FLNB: variants seen among roughly 807,000 people sequenced by gnomAD.
The protein encoded by FLNB is filamin-B.
A neutral mutation model predicts 250.6 loss-of-function variants in FLNB; 111 were observed. The observed-to-expected ratio is 0.44, with a 90% CI of 0.38 to 0.52. The LOEUF is 0.52. Among genes scored for constraint, FLNB ranks in the 20% least tolerant of loss-of-function variants. The pLI is 0.00. For missense variants in FLNB, 2,869 were observed against 3,447.8 expected (o/e 0.83, Z 4.20); for synonymous variants, 1,302 against 1,372.1 (o/e 0.95, Z 1.13).
At chr3:58,024,609 A>T (rs2097120138) in intron 1 of FLNB, among the ~76,000 whole-genome samples, 1 of 151,412 alleles carries the variant, frequency 6.6e-6, no homozygotes, top group African/African-American at 2.4e-5. Context: ...GACTCTTTTT[A>T]GAAGAAGAGG....
intron 1 of FLNB, among the ~76,000 whole-genome samples, chr3:58,056,531 T>A (rs1393299143): frequency 1.3e-5 from 2 of 152,228 alleles, no homozygotes; most frequent in South Asian, 2.1e-4. Context: ...TGAAACTTTT[T>A]AAAAAAAGTT....
rs1253289025 is a variant in FLNB at position 58,142,695 on chromosome 3, G to C, written c.5227G>C (p.Gly1743Arg). 1.2e-6 allele frequency: 2 copies of C among 1,614,118 alleles called. No individual in the cohort carries two copies. Among genetic ancestry groups the C allele is most frequent in the Non-Finnish European group, 1.7e-6 (2 of 1,180,046 alleles). The change falls in exon 31 of 46, where the codon GGA (glycine) becomes CGA (arginine). Residue 1743 changes from glycine to arginine, a missense_variant. By Grantham distance (125) the Gly-to-Arg change is moderately radical. Around this residue, in one of 5 missense-constraint regions of FLNB, gnomAD observed 1,084 missense variants for 1,315.5 expected, o/e 0.82. Transcript: ENST00000295956. The surrounding 1 kb of genome is among the most constrained non-coding windows in gnomAD (Gnocchi z 4.3). The stretch of plus-strand genomic sequence containing the variant: ...CCCAGTGAGTGACATGAACGGCCTG[G>C]GATTTAAGCCTTTTGACCTGGTCAT... ...YVPVSDMNGL[G>R]FKPFDLVIPF... is the part of the protein sequence containing the mutation.
intron 5 of FLNB, 112 bp from the exon 6 acceptor site, chr3:58,096,029 C>T: frequency 1.2e-6 from 1 of 803,850 alleles, no homozygotes; most frequent in South Asian, 1.4e-5. Flanking sequence ...AGGAGCTCGC[C>T]AGCACCTTCA....
In FLNB at chr3:58,137,760, G is replaced by A. The variant is rs1402593480; in HGVS notation, c.4862-522G>A. ...GTTTCCTTTCTTTAGGAAGCCCTTT[G>A]TCAGTGCGGCAACCCTGGGATATAA... On this transcript the variant is annotated intron_variant, in intron 28 of 45. Transcript: ENST00000295956. Among the ~76,000 whole-genome samples, 2 of 152,200 alleles carry A rather than the reference G, an allele frequency of 1.3e-5. 1 individual carries two copies. The highest frequency in any genetic ancestry group is 2.9e-5 in the Non-Finnish European group (2 of 68,044).
At position 58,108,468 on chromosome 3, in the gene FLNB, A is replaced by G. The variant is rs1391056566; in HGVS notation, c.1952A>G (p.Tyr651Cys). The G allele has an allele frequency of 4.3e-6, 7 of 1,612,588 alleles. No homozygotes were observed. The highest frequency in any genetic ancestry group is 5.9e-6 in the Non-Finnish European group (7 of 1,178,742). ...CTGCCTTTGCTTCAGGTTCGAGCAT[A>G]CGGGCCAGGTTTGGAGAAATCTGGA... is the stretch of plus-strand genomic sequence containing the variant. ...GGYNPDLVRA[Y>C]GPGLEKSGCI... The change falls in exon 13 of 46, where the codon TAC becomes TGC. Residue 651 changes from tyrosine to cysteine, a missense_variant. Around this residue, in one of 5 missense-constraint regions of FLNB, gnomAD observed 1,348 missense variants for 1,466.7 expected, o/e 0.92. Coordinates refer to ENST00000295956, the MANE Select transcript of FLNB (RefSeq NM_001457.4).
intron 29 of FLNB, among the ~76,000 whole-genome samples, chr3:58,139,932 C>G (rs925435507): frequency 3.3e-5 from 5 of 152,050 alleles, no homozygotes; most frequent in Non-Finnish European, 7.4e-5. Context: ...ACCCTTTTTG[C>G]AGAAGTGGAG....
chr3:58,042,364 TA>T (rs1234534735), intron 1 of FLNB, among the ~76,000 whole-genome samples: 2 of 150,066 alleles, frequency 1.3e-5, no homozygotes, highest in African/African-American at 4.9e-5. Flanking sequence ...TTTTTTTTTT[TA>T]AAGTCCGGGT....
intron 18 of FLNB, among the ~76,000 whole-genome samples, chr3:58,115,553 GT>G (rs1221453350): frequency 6.6e-6 from 1 of 152,218 alleles, no homozygotes; most frequent in Non-Finnish European, 1.5e-5. Context: ...CCTAGGTCCG[GT>G]TTTGTCCCCT....
At chr3:58,043,309 A>G (rs2097148966) in intron 1 of FLNB, among the ~76,000 whole-genome samples, 1 of 151,638 alleles carries the variant, frequency 6.6e-6, no homozygotes, top group South Asian at 2.1e-4. Flanking sequence ...TAATTTTTGT[A>G]TTTTTAATAG....
chr3:58,114,682 C>A (rs2097274779), intron 18 of FLNB, among the ~76,000 whole-genome samples: 1 of 151,068 alleles, frequency 6.6e-6, no homozygotes, highest in Admixed American at 6.6e-5. Flanking sequence ...TTCTCCACAT[C>A]CTTGCTAACA....
At chr3:58,097,414 A>G (rs1199006572) in intron 6 of FLNB, among the ~76,000 whole-genome samples, 3 of 152,216 alleles carry the variant, frequency 2.0e-5, no homozygotes, top group Non-Finnish European at 2.9e-5. Context: ...GTATCTAAGA[A>G]TGATTTTCGT....
At chr3:58,110,321 G>T (rs1029519783) in intron 16 of FLNB, 151 bp downstream of exon 16, 25 of 850,252 alleles carry the variant, frequency 2.9e-5, no homozygotes, top group Non-Finnish European at 4.0e-5. Context: ...AGAGTGCAGT[G>T]GTGTGATCTT....
chr3:58,122,578 A>G (rs1036002526), intron 20 of FLNB, among the ~76,000 whole-genome samples: 5 of 152,128 alleles, frequency 3.3e-5, no homozygotes, highest in African/African-American at 4.8e-5. Context: ...AGTGGTCTCA[A>G]TGGTGTGAAT....
intron 1 of FLNB, among the ~76,000 whole-genome samples, chr3:58,066,759 G>T (rs1414197176): frequency 2.0e-5 from 3 of 152,146 alleles, no homozygotes; most frequent in Non-Finnish European, 2.9e-5. Context: ...TGATGAAAAT[G>T]GAACTTTTAA....
At chr3:58,152,836 G>T (rs1478436884) in intron 38 of FLNB, 1 of 955,086 alleles carries the variant, frequency 1.0e-6, no homozygotes, top group Non-Finnish European at 1.5e-6. Context: ...GGCAGTGCAG[G>T]CACAGTCGTT....
chr3:58,107,760 A>G (rs1460388392), intron 12 of FLNB, among the ~76,000 whole-genome samples: 5 of 152,238 alleles, frequency 3.3e-5, no homozygotes, highest in African/African-American at 9.6e-5. Context: ...CCCAGAGGCC[A>G]CGTGTGCTAC....
At chr3:58,093,652 C>G (rs2097232225) in intron 4 of FLNB, among the ~76,000 whole-genome samples, 1 of 151,898 alleles carries the variant, frequency 6.6e-6, no homozygotes, top group African/African-American at 2.4e-5. Context: ...CACACACACA[C>G]ACACACACCC....
At chr3:58,152,228 C>T (rs1170813146) in intron 38 of FLNB, among the ~76,000 whole-genome samples, 1 of 152,304 alleles carries the variant, frequency 6.6e-6, no homozygotes, top group East Asian at 1.9e-4. Flanking sequence ...CTCGGAGATC[C>T]CCTCCTCCTT....
At position 58,145,994 on chromosome 3, in the gene FLNB, T is replaced by C; in HGVS notation, c.5499T>C (p.Tyr1833=). 1 of 1,614,180 alleles carries C rather than the reference T, an allele frequency of 6.2e-7. No individual in the cohort carries two copies. The highest frequency in any genetic ancestry group is 8.5e-7 in the Non-Finnish European group (1 of 1,180,010). ...CTGCATACGGTCCAGGCCTCGTGTA[T>C]GGAGTGGCCAACAAAACTGCCACCT... ...SVSAYGPGLV[Y]GVANKTATFT... Residue 1833 remains tyrosine, a synonymous_variant, in exon 33 of 46, where the codon TAT becomes TAC. Coordinates refer to ENST00000295956, the MANE Select transcript of FLNB (RefSeq NM_001457.4).
Sources: gnomAD v4.1 joint callset for allele counts (sites outside exome capture counted in the v4.1 genomes callset) on GRCh38, gnomAD v4.1.1 for gene constraint, gnomAD v4.1.1 regional missense constraint, Gnocchi (gnomAD v3.1) non-coding constraint, MANE v1.5 for transcripts, NCBI Gene and HGNC (gene_info 2026-07-23, HGNC 2026-07-21) for gene names.